Variants in APP observed in about 807,000 individuals in gnomAD.
APP encodes amyloid beta precursor protein.
Under a neutral mutation model 101.4 loss-of-function variants are expected in APP, and 31 were observed. The observed-to-expected ratio is 0.31, with a 90% CI of 0.23 to 0.41. The LOEUF (loss-of-function observed/expected upper bound fraction) is 0.41, where lower values mean the gene tolerates loss of function less well. APP is among the 10% of genes least tolerant of loss of function. The pLI, the probability that APP is intolerant of heterozygous loss-of-function variation, is 1.00. For synonymous variants in APP, 366 were observed against 364.4 expected (o/e 1.00, Z -0.05); for missense variants, 839 against 1,003.7 (o/e 0.84, Z 2.22).
In APP at chr21:26,048,828, G is replaced by A. The variant is rs553800686; in HGVS notation, c.662+2172C>T. ...ATATATAGATTTTGACGGGTCATAA[G>A]AAGTGGCACTTTAGAGTTGACAAAT... On this transcript the variant is annotated intron_variant, in intron 5 of 17. Coordinates refer to ENST00000346798, the MANE Select transcript of APP (RefSeq NM_000484.4). Among the ~76,000 whole-genome samples the A allele has an allele frequency of 4.0e-4, 61 of 152,236 alleles. No individual in the cohort carries two copies. The South Asian group carries it at 7.2e-3, about 18-fold the overall frequency.
rs1491556765 is a variant in APP, at chr21:26,032,805, A to AAAAAT, written c.663-10764_663-10763insATTTT. 6.2e-4 allele frequency among the ~76,000 whole-genome samples: 77 copies of AAAAAT among 124,470 alleles called. 1 individual carries two copies. Among genetic ancestry groups the AAAAAT allele is most frequent in the South Asian group, 4.6e-3 (19 of 4,162 alleles). The allele number at this position is 124,470 out of a possible 152,430, so 81.7% of individuals were successfully genotyped here. A position where few individuals can be genotyped will look rare whatever the true frequency, so the allele number is the denominator to read the frequency against. ...GGCTTATTATTTTAGAAAAAAAAAA[A>AAAAAT]ATATATATATATATATAAAGAGCTA... On this transcript the variant is annotated intron_variant, in intron 5 of 17. Transcript: ENST00000346798.
intron 5 of APP, among the ~76,000 whole-genome samples, chr21:26,034,910 A>G (rs936299832): frequency 6.6e-6 from 1 of 152,130 alleles, no homozygotes; most frequent in African/African-American, 2.4e-5. Context: ...CCAATAAAAT[A>G]CTAAAATGTG....
In APP at chr21:26,034,498, T is replaced by C. The variant is rs185326408; in HGVS notation, c.663-12456A>G. Among the ~76,000 whole-genome samples, 10 of 151,552 alleles carry C rather than the reference T, an allele frequency of 6.6e-5. No homozygotes were observed. The East Asian group carries it at 1.2e-3, about 18-fold the overall frequency. On this transcript the variant is annotated intron_variant, in intron 5 of 17. Coordinates refer to ENST00000346798, the MANE Select transcript of APP (RefSeq NM_000484.4). ...TCTCTACTAAAACACAAAAAATAGC[T>C]GGGCATGGTGGCGGGCGCCTATAGT... is the stretch of plus-strand genomic sequence containing the variant.
Position 25,976,034 on chromosome 21 carries a change from A to T in APP, c.1225-6T>A, listed in dbSNP as rs761998535. The stretch of plus-strand genomic sequence containing the variant: ...TCTTCCCATTCTCTCATGACCTATA[A>T]ATTAAGGAAACATTTGAATTTAAAA... On this transcript the variant is annotated splice_region_variant and splice_polypyrimidine_tract_variant and intron_variant, in intron 9 of 17. Coordinates refer to ENST00000346798, the MANE Select transcript of APP (RefSeq NM_000484.4). The T allele has an allele frequency of 5.6e-6, 9 of 1,609,720 alleles. No homozygotes were observed. The South Asian group carries it at 9.9e-5, about 18-fold the overall frequency.
intron 3 of APP, among the ~76,000 whole-genome samples, chr21:26,064,895 C>A (rs2046400536): frequency 6.6e-6 from 1 of 152,148 alleles, no homozygotes; most frequent in Admixed American, 6.5e-5. Context: ...ATTCTGTCGC[C>A]CAGGCTGGAG....
intron 4 of APP, among the ~76,000 whole-genome samples, chr21:26,051,617 T>C (rs1485092144): frequency 6.6e-6 from 1 of 152,204 alleles, no homozygotes; most frequent in Non-Finnish European, 1.5e-5. Flanking sequence ...TTATCTCACA[T>C]GGACCTGCCT....
intron 6 of APP, among the ~76,000 whole-genome samples, 155 bp downstream of exon 6, chr21:26,021,685 A>T (rs1377575305): frequency 6.6e-6 from 1 of 152,216 alleles, no homozygotes; most frequent in Non-Finnish European, 1.5e-5. Flanking sequence ...TTGCTTGTTA[A>T]ACCAAAAAAA....
chr21:25,954,746 TTTTC>T, intron 12 of APP, 57 bp from the exon 13 acceptor site: 7 of 1,450,942 alleles, frequency 4.8e-6, no homozygotes, highest in Admixed American at 1.8e-5. Context: ...GAATGGTTCT[TTTTC>T]TTTCTTTTTT....
intron 5 of APP, among the ~76,000 whole-genome samples, chr21:26,032,321 A>G (rs1411802216): frequency 6.6e-6 from 1 of 152,224 alleles, no homozygotes; most frequent in African/African-American, 2.4e-5. Flanking sequence ...GGATGAGGCT[A>G]TGAAATTTGT....
intron 11 of APP, among the ~76,000 whole-genome samples, chr21:25,956,836 C>G (rs2041343695): frequency 6.6e-6 from 1 of 152,184 alleles, no homozygotes; most frequent in Non-Finnish European, 1.5e-5. Flanking sequence ...CCTGCCATCT[C>G]AGGTGGAACG....
At chr21:26,093,586 G>C (rs1469752200) in intron 2 of APP, among the ~76,000 whole-genome samples, 1 of 152,142 alleles carries the variant, frequency 6.6e-6, no homozygotes, top group Non-Finnish European at 1.5e-5. Context: ...AACTGATTAG[G>C]TTGACTATTT....
chr21:26,030,677 A>G (rs1288761224), intron 5 of APP, among the ~76,000 whole-genome samples: 1 of 152,246 alleles, frequency 6.6e-6, no homozygotes, highest in African/African-American at 2.4e-5. Context: ...ACTAGAATTA[A>G]GGAGAAGCAC....
intron 1 of APP, among the ~76,000 whole-genome samples, chr21:26,141,064 G>A (rs1474123584): frequency 1.3e-5 from 2 of 152,210 alleles, no homozygotes; most frequent in African/African-American, 4.8e-5. Context: ...ATCTCATGGA[G>A]TCAGTGTGAG....
intron 16 of APP, among the ~76,000 whole-genome samples, chr21:25,896,952 G>A (rs960359736): frequency 1.3e-5 from 2 of 152,146 alleles, no homozygotes; most frequent in African/African-American, 4.8e-5. Context: ...GTAAAACCAA[G>A]CAGTGTATGC....
chr21:26,065,777 C>T (rs778412201), intron 3 of APP, among the ~76,000 whole-genome samples: 3 of 152,186 alleles, frequency 2.0e-5, no homozygotes, highest in Non-Finnish European at 2.9e-5. Context: ...CTCTTTTTGA[C>T]TGCACTATTA....
At chr21:26,078,709 C>T (rs920016428) in intron 3 of APP, among the ~76,000 whole-genome samples, 5 of 152,196 alleles carry the variant, frequency 3.3e-5, no homozygotes, top group African/African-American at 1.2e-4. Context: ...TTTTCTACTA[C>T]AGCTGTCTGG....
chr21:26,025,153 T>C (rs1323241600), intron 5 of APP, among the ~76,000 whole-genome samples: 1 of 152,224 alleles, frequency 6.6e-6, no homozygotes, highest in Non-Finnish European at 1.5e-5. Context: ...GAAAGTTTAC[T>C]ACGTGGGGCT....
intron 2 of APP, among the ~76,000 whole-genome samples, chr21:26,095,123 C>T (rs1010618026): frequency 1.3e-5 from 2 of 152,128 alleles, no homozygotes; most frequent in African/African-American, 2.4e-5. Context: ...GGATTACAGG[C>T]GTGAGCCACC....
intron 8 of APP, among the ~76,000 whole-genome samples, chr21:25,984,510 G>T (rs1459810171): frequency 6.6e-6 from 1 of 152,136 alleles, no homozygotes; most frequent in African/African-American, 2.4e-5. Flanking sequence ...TGGAAAAAAG[G>T]TAAATGTTTT....
Sources: gnomAD v4.1 joint callset for allele counts (sites outside exome capture counted in the v4.1 genomes callset) on GRCh38, gnomAD v4.1.1 for gene constraint, MANE v1.5 for transcripts, NCBI Gene and HGNC (gene_info 2026-07-23, HGNC 2026-07-21) for gene names.